Variants in FNDC3B observed in about 807,000 individuals in gnomAD.
FNDC3B encodes fibronectin type III domain-containing protein 3B.
FNDC3B carries 12 observed loss-of-function variants against 151.5 expected under a neutral mutation model. The observed-to-expected ratio is 0.08, with a 90% CI of 0.05 to 0.13. The LOEUF (loss-of-function observed/expected upper bound fraction) is 0.13, where lower values mean the gene tolerates loss of function less well. Ranked by LOEUF, FNDC3B falls within the 10% of genes least tolerant of loss-of-function variation. The probability of loss-of-function intolerance (pLI) is 1.00; values close to 1 mark genes in which losing one functional copy is unlikely to be tolerated. For synonymous variants in FNDC3B, 528 were observed against 549.0 expected, an observed-to-expected ratio of 0.96 and a Z score of 0.54; for missense variants, 1,214 against 1,505.3, an observed-to-expected ratio of 0.81 and a Z score of 3.20.
intron 3 of FNDC3B, among the ~76,000 whole-genome samples, chr3:172,226,633 A>G (rs1484852436): frequency 3.3e-5 from 5 of 152,192 alleles, no homozygotes; most frequent in African/African-American, 9.7e-5. Flanking sequence ...ATCATTAAAT[A>G]TTTATAAAGA....
chr3:172,231,119 A>C (rs1726867179), intron 4 of FNDC3B, among the ~76,000 whole-genome samples: 1 of 152,252 alleles, frequency 6.6e-6, no homozygotes, highest in Non-Finnish European at 1.5e-5. Flanking sequence ...ACTATTATTC[A>C]GCCATAGTGA....
At chr3:172,274,689 G>A (rs1376838000) in intron 6 of FNDC3B, among the ~76,000 whole-genome samples, 1 of 152,184 alleles carries the variant, frequency 6.6e-6, no homozygotes, top group Non-Finnish European at 1.5e-5. Context: ...CTAGATGCTA[G>A]AAGTCAGACT....
At chr3:172,316,562 T>C in intron 11 of FNDC3B, 1 of 380,962 alleles carries the variant, frequency 2.6e-6, no homozygotes, top group South Asian at 1.9e-5. Flanking sequence ...ATAAGAACTT[T>C]TTATTTTAGA....
intron 3 of FNDC3B, among the ~76,000 whole-genome samples, chr3:172,210,127 A>T (rs1725657089): frequency 6.6e-6 from 1 of 152,092 alleles, no homozygotes; most frequent in African/African-American, 2.4e-5. Context: ...CCAGGGACGC[A>T]GGCTCCCACC....
chr3:172,191,823 G>A (rs753798570), intron 3 of FNDC3B, among the ~76,000 whole-genome samples: 3 of 152,096 alleles, frequency 2.0e-5, no homozygotes, highest in Admixed American at 6.5e-5. Context: ...TTGCAGCAGG[G>A]AAAATGAGGT....
chr3:172,145,001 A>G (rs1173889551), intron 3 of FNDC3B, among the ~76,000 whole-genome samples: 1 of 145,760 alleles, frequency 6.9e-6, no homozygotes, highest in African/African-American at 2.5e-5. Flanking sequence ...TCCCCCTACC[A>G]CTTTTTTTTT....
intron 9 of FNDC3B, among the ~76,000 whole-genome samples, chr3:172,304,268 C>G (rs1405672163): frequency 6.6e-6 from 1 of 152,236 alleles, no homozygotes; most frequent in African/African-American, 2.4e-5. Flanking sequence ...CCTGCTAGTA[C>G]TTTGCAGGCT....
intron 4 of FNDC3B, among the ~76,000 whole-genome samples, chr3:172,246,374 A>C (rs1727776826): frequency 6.6e-6 from 1 of 152,182 alleles, no homozygotes; most frequent in Non-Finnish European, 1.5e-5. Flanking sequence ...CAATTGTTTG[A>C]GGTCCCTGAA....
chr3:172,049,613 T>C (rs969528764), intron 1 of FNDC3B, among the ~76,000 whole-genome samples: 3 of 152,118 alleles, frequency 2.0e-5, no homozygotes, highest in African/African-American at 4.8e-5. Context: ...CCCTGACCTC[T>C]GCCTCCCAGG....
intron 2 of FNDC3B, among the ~76,000 whole-genome samples, chr3:172,115,266 C>T (rs1442239169): frequency 2.0e-5 from 3 of 152,058 alleles, no homozygotes; most frequent in Non-Finnish European, 4.4e-5. Flanking sequence ...GTGGGTTGAA[C>T]CCAGGTGAAG....
chr3:172,298,739 T>C lies in FNDC3B; in HGVS notation c.1013T>C (p.Leu338Ser). 6.2e-7 allele frequency: 1 copy of C among 1,606,890 alleles called. No individual in the cohort carries two copies. Among genetic ancestry groups the C allele is most frequent in the Non-Finnish European group, 8.5e-7 (1 of 1,176,972 alleles). Residue 338 changes from leucine to serine, a missense_variant, in exon 9 of 26, where the codon TTA becomes TCA. Physicochemically the swap from Leu to Ser is moderately radical, Grantham distance 145. Transcript: ENST00000415807. ...CTTTTTCTTTACAGTGGAGAAGAAT[T>C]AGAATGTAACCTGAAAGATCTTAGA... ...KYKIIYSGEE[L>S]ECNLKDLRPA...
intron 1 of FNDC3B, among the ~76,000 whole-genome samples, chr3:172,095,550 C>G (rs1331646060): frequency 6.6e-6 from 1 of 152,134 alleles, no homozygotes; most frequent in Non-Finnish European, 1.5e-5. Context: ...ATAGGATTAC[C>G]CTTGACCAGA....
chr3:172,338,464 A>G (rs1733108425), intron 16 of FNDC3B: 1 of 152,204 alleles, frequency 6.6e-6, no homozygotes, highest in Admixed American at 6.5e-5. Flanking sequence ...AGTGACAAGA[A>G]TCACACTTTT....
At position 172,397,627 on chromosome 3, in the gene FNDC3B, C is replaced by T. The variant is rs1736355185; in HGVS notation, c.*152C>T. Reference sequence around the variant, plus strand: ...AAAAAAATGTCAGTGTTTTGGTGCACCTTTTTGAAATGCAAAACTAGGAAA... The same window carrying T: ...AAAAAAATGTCAGTGTTTTGGTGCATCTTTTTGAAATGCAAAACTAGGAAA... On this transcript the variant is annotated 3_prime_UTR_variant, in exon 26 of 26. Transcript: ENST00000415807. 4.7e-6 allele frequency: 2 copies of T among 426,098 alleles called. No homozygotes were observed. The highest frequency in any genetic ancestry group is 9.4e-5 in the South Asian group (1 of 10,678). The allele number at this position is 426,098 out of a possible 1,614,324, so 26.4% of individuals were successfully genotyped here.
intron 3 of FNDC3B, among the ~76,000 whole-genome samples, chr3:172,222,684 T>C (rs867259911): frequency 6.6e-6 from 1 of 152,170 alleles, no homozygotes; most frequent in Non-Finnish European, 1.5e-5. Context: ...AGGAATCTAA[T>C]GCCGCTGCCG....
chr3:172,080,918 A>C (rs765492507), intron 1 of FNDC3B, among the ~76,000 whole-genome samples: 2 of 152,182 alleles, frequency 1.3e-5, no homozygotes, highest in South Asian at 4.1e-4. Flanking sequence ...GAATTCATGT[A>C]AGTTAAGGAC....
intron 4 of FNDC3B, among the ~76,000 whole-genome samples, chr3:172,231,739 C>G (rs930428244): frequency 6.6e-6 from 1 of 150,618 alleles, no homozygotes; most frequent in African/African-American, 2.5e-5. Context: ...ATGATACAAT[C>G]TCACAGTCCG....
chr3:172,097,308 T>G (rs1719139622), intron 1 of FNDC3B, among the ~76,000 whole-genome samples: 1 of 152,202 alleles, frequency 6.6e-6, no homozygotes, highest in African/African-American at 2.4e-5. Flanking sequence ...TAGGGCTGGT[T>G]TTGTAAATGT....
intron 3 of FNDC3B, among the ~76,000 whole-genome samples, chr3:172,199,311 C>A (rs1167678631): frequency 6.6e-6 from 1 of 151,998 alleles, no homozygotes; most frequent in African/African-American, 2.4e-5. Flanking sequence ...TCCCGAGTAG[C>A]TGGGACTACA....
Sources: gnomAD v4.1 joint callset for allele counts (sites outside exome capture counted in the v4.1 genomes callset) on GRCh38, gnomAD v4.1.1 for gene constraint, MANE v1.5 for transcripts, NCBI Gene and HGNC (gene_info 2026-07-23, HGNC 2026-07-21) for gene names.